Variants in GSKIP observed in about 807,000 individuals in gnomAD.
GSKIP encodes GSK3B interacting protein.
Under a neutral mutation model 11.9 loss-of-function variants are expected in GSKIP, and 5 were observed. The observed-to-expected ratio is 0.42, with a 90% CI of 0.22 to 0.89. The LOEUF is 0.89. GSKIP is among the 40% of genes least tolerant of loss of function. GSKIP has a pLI of 0.29. For synonymous variants in GSKIP, 70 were observed against 62.9 expected, an observed-to-expected ratio of 1.11 and a Z score of -0.54; for missense variants, 150 against 166.6, an observed-to-expected ratio of 0.90 and a Z score of 0.55.
chr14:96,382,655 A>AT, intron 3 of GSKIP, 150 bp downstream of exon 3: 1 of 479,648 alleles, frequency 2.1e-6, no homozygotes. Context: ...TAACCTAGAA[A>AT]TTTTTATTAA....
intron 1 of GSKIP, among the ~76,000 whole-genome samples, chr14:96,372,577 A>C (rs759156692): frequency 6.6e-6 from 1 of 152,246 alleles, no homozygotes; most frequent in Non-Finnish European, 1.5e-5. Flanking sequence ...CATGTGTCAA[A>C]ATGCATTTAA....
chr14:96,376,607 A>G (rs1211045824), intron 1 of GSKIP, among the ~76,000 whole-genome samples: 1 of 152,230 alleles, frequency 6.6e-6, no homozygotes, highest in Non-Finnish European at 1.5e-5. Context: ...AAGTTTAGTG[A>G]TAAGAGTTTG....
At chr14:96,382,620 T>C (rs1889379823) in intron 3 of GSKIP, 115 bp downstream of exon 3, 2 of 596,958 alleles carry the variant, frequency 3.4e-6, no homozygotes, top group South Asian at 1.1e-4. Flanking sequence ...TTCAGTAGCT[T>C]CCAAATTTTT....
At chr14:96,383,730 C>G (rs1889411728) in intron 3 of GSKIP, among the ~76,000 whole-genome samples, 1 of 152,168 alleles carries the variant, frequency 6.6e-6, no homozygotes, top group African/African-American at 2.4e-5. Context: ...ACCCTCAGTT[C>G]CCTCACAGCT....
rs149728939 is a variant in GSKIP, at chr14:96,370,904, A to T, written c.-103+7336A>T. Among the ~76,000 whole-genome samples the T allele has an allele frequency of 5.4e-3, 820 of 152,348 alleles. 27 individuals carry two copies. In the South Asian group the frequency reaches 0.067, roughly 12 times the overall value. Reference sequence around the variant, plus strand: ...TTCTGTTGTCTAGATTTATAATTACAAGAATATAAATATGTCTGTGTTATT... The same window carrying T: ...TTCTGTTGTCTAGATTTATAATTACTAGAATATAAATATGTCTGTGTTATT... On this transcript the variant is annotated intron_variant, in intron 1 of 3. Transcript: ENST00000555181.
intron 1 of GSKIP, among the ~76,000 whole-genome samples, chr14:96,374,809 A>G (rs1889151675): frequency 6.6e-6 from 1 of 152,250 alleles, no homozygotes; most frequent in African/African-American, 2.4e-5. Context: ...GCAGACCTAC[A>G]CTACAGGAAA....
At chr14:96,385,017 A>C (rs1240849231) in intron 3 of GSKIP, among the ~76,000 whole-genome samples, 1 of 152,150 alleles carries the variant, frequency 6.6e-6, no homozygotes, top group African/African-American at 2.4e-5. Context: ...TTAAAACTAA[A>C]TTATTAGGAA....
chr14:96,371,545 A>G lies in GSKIP; in HGVS notation c.-103+7977A>G, dbSNP rs879561147. On this transcript the variant is annotated intron_variant, in intron 1 of 3. Transcript: ENST00000555181. ...CTGCAGCCTCTGCCTCTCGGGTTCA[A>G]GAGATTCTCCCGCCTCAGCCTCCCC... Among the ~76,000 whole-genome samples, 30 of 151,550 alleles carry G rather than the reference A, an allele frequency of 2.0e-4. 1 individual carries two copies. Among genetic ancestry groups the G allele is most frequent in the Admixed American group, 1.9e-3 (29 of 15,222 alleles).
At position 96,369,176 on chromosome 14, in the gene GSKIP, A is replaced by G. The variant is rs368186014; in HGVS notation, c.-103+5608A>G. ...GAAGGCCCAACTTGAGTGATGACCT[A>G]GAGTATCTGGTAGAAGAAATGTCTA... On this transcript the variant is annotated intron_variant, in intron 1 of 3. Coordinates refer to ENST00000555181, the MANE Select transcript of GSKIP (RefSeq NM_016472.5). Among the ~76,000 whole-genome samples the G allele has an allele frequency of 2.6e-5, 4 of 152,310 alleles. No homozygotes were observed. The East Asian group carries it at 5.8e-4, about 22-fold the overall frequency.
intron 1 of GSKIP, chr14:96,364,444 A>G (rs1323896779): frequency 2.0e-5 from 3 of 152,240 alleles, no homozygotes; most frequent in African/African-American, 4.8e-5. Context: ...GTCCTGAAAC[A>G]TACAGCTGTT....
chr14:96,386,377 A>C lies in GSKIP; in HGVS notation c.*693A>C, dbSNP rs756357912. 2 of 152,630 alleles carry C rather than the reference A, an allele frequency of 1.3e-5. No homozygotes were observed. The highest frequency in any genetic ancestry group is 2.9e-5 in the Non-Finnish European group (2 of 68,026). 9.5% of individuals were successfully genotyped at this position (152,630 alleles called of 1,614,324 possible). ...TGTAATAATTACTCATTTCCAAGATATCTAAGCACATAAGCAAATACAGGA... is the reference window on the plus strand; with the variant it reads ...TGTAATAATTACTCATTTCCAAGATCTCTAAGCACATAAGCAAATACAGGA... On this transcript the variant is annotated 3_prime_UTR_variant, in exon 4 of 4. Coordinates refer to ENST00000555181, the MANE Select transcript of GSKIP (RefSeq NM_016472.5).
At chr14:96,385,438 G>A (rs529252872) in intron 3 of GSKIP, 85 bp from the exon 4 acceptor site, 2 of 1,008,260 alleles carry the variant, frequency 2.0e-6, no homozygotes, top group African/African-American at 3.2e-5. Flanking sequence ...TTTTTTGAAA[G>A]GATGATTACT....
At chr14:96,369,342 G>T (rs1319715151) in intron 1 of GSKIP, among the ~76,000 whole-genome samples, 1 of 152,230 alleles carries the variant, frequency 6.6e-6, no homozygotes, top group Admixed American at 6.5e-5. Context: ...CTGGCCTTGT[G>T]TTAAAGAAGG....
intron 1 of GSKIP, among the ~76,000 whole-genome samples, chr14:96,365,551 C>A (rs1888856692): frequency 6.9e-6 from 1 of 145,542 alleles, no homozygotes; most frequent in Admixed American, 6.9e-5. Context: ...ACTTTGGAGC[C>A]GGGCACAGTG....
intron 3 of GSKIP, among the ~76,000 whole-genome samples, chr14:96,384,058 A>G (rs1889421070): frequency 6.6e-6 from 1 of 152,206 alleles, no homozygotes; most frequent in Non-Finnish European, 1.5e-5. Context: ...GAGATTTAAA[A>G]AAAACTTAAA....
chr14:96,373,930 A>G (rs1889124640), intron 1 of GSKIP, among the ~76,000 whole-genome samples: 1 of 152,372 alleles, frequency 6.6e-6, no homozygotes, highest in Admixed American at 6.5e-5. Context: ...AAAAACATTC[A>G]GCACCACATT....
chr14:96,373,834 A>G (rs1595347885), intron 1 of GSKIP, among the ~76,000 whole-genome samples: 1 of 152,228 alleles, frequency 6.6e-6, no homozygotes, highest in Admixed American at 6.5e-5. Context: ...ACCTCCCAGG[A>G]CAATGCTCAA....
intron 1 of GSKIP, among the ~76,000 whole-genome samples, chr14:96,371,373 T>G (rs1269314820): frequency 6.6e-6 from 1 of 152,156 alleles, no homozygotes; most frequent in Non-Finnish European, 1.5e-5. Flanking sequence ...TTTTTCTTAT[T>G]GAAAACATAA....
In GSKIP at chr14:96,385,709, C is replaced by T; in HGVS notation, c.*25C>T. ...ACTACACTTTTTCCTTTCAGAGGGG[C>T]TGGTGCTGGTACAGAATGTTGATAT... On this transcript the variant is annotated 3_prime_UTR_variant, in exon 4 of 4. Transcript: ENST00000555181. 7 of 1,582,856 alleles carry T rather than the reference C, an allele frequency of 4.4e-6. No individual in the cohort carries two copies. The highest frequency in any genetic ancestry group is 6.0e-6 in the Non-Finnish European group (7 of 1,161,000).
Sources: gnomAD v4.1 joint callset for allele counts (sites outside exome capture counted in the v4.1 genomes callset) on GRCh38, gnomAD v4.1.1 for gene constraint, MANE v1.5 for transcripts, NCBI Gene and HGNC (gene_info 2026-07-23, HGNC 2026-07-21) for gene names.